Variants in RERE observed in about 807,000 individuals in gnomAD.
RERE encodes arginine-glutamic acid dipeptide repeats, also known as arginine-glutamic acid dipeptide repeats protein.
RERE carries 40 observed loss-of-function variants against 146.1 expected under a neutral mutation model. The observed-to-expected ratio is 0.27, with a 90% CI of 0.21 to 0.36. The LOEUF (loss-of-function observed/expected upper bound fraction) is 0.36, where lower values mean the gene tolerates loss of function less well. RERE is among the 10% of genes least tolerant of loss of function. The probability of loss-of-function intolerance (pLI) is 1.00; values close to 1 mark genes in which losing one functional copy is unlikely to be tolerated. For missense variants in RERE, 1,933 were observed against 2,138.7 expected, an observed-to-expected ratio of 0.90 and a Z score of 1.90; for synonymous variants, 1,003 against 866.0, an observed-to-expected ratio of 1.16 and a Z score of -2.78.
At chr1:8,475,486 T>C (rs1644744139) in intron 10 of RERE, among the ~76,000 whole-genome samples, 2 of 151,876 alleles carry the variant, frequency 1.3e-5, no homozygotes, top group African/African-American at 4.8e-5. Flanking sequence ...GAGACCAGCC[T>C]GGCCAACATG....
intron 11 of RERE, chr1:8,425,270 A>G (rs1173742862): frequency 1.3e-5 from 2 of 152,244 alleles, no homozygotes. Context: ...TAGGAAGATA[A>G]TAAAGGTTGC....
chr1:8,519,216 G>GCAAA (rs911510599), intron 7 of RERE, among the ~76,000 whole-genome samples: 9 of 151,954 alleles, frequency 5.9e-5, no homozygotes, highest in East Asian at 1.9e-4. Flanking sequence ...CCTAGTCTCT[G>GCAAA]CAAACAAACA....
intron 4 of RERE, among the ~76,000 whole-genome samples, chr1:8,584,894 T>A (rs1310846732): frequency 6.6e-6 from 1 of 152,116 alleles, no homozygotes; most frequent in Non-Finnish European, 1.5e-5. Context: ...ACCCTTGTAA[T>A]CCCAGCACTT....
intron 6 of RERE, among the ~76,000 whole-genome samples, chr1:8,552,470 T>C (rs1645947786): frequency 6.6e-6 from 1 of 152,222 alleles, no homozygotes; most frequent in Admixed American, 6.5e-5. Context: ...TGATCCCTTT[T>C]CATGTGCCCA....
At chr1:8,362,039 G>A (rs1423179405) in intron 16 of RERE, among the ~76,000 whole-genome samples, 163 bp from the exon 17 acceptor site, 1 of 152,194 alleles carries the variant, frequency 6.6e-6, no homozygotes, top group Non-Finnish European at 1.5e-5. Context: ...GAAGGAACAC[G>A]TATCTGGGGG....
In RERE at chr1:8,356,078, C is replaced by T. The variant is rs1641280287; in HGVS notation, c.4486+22G>A. The T allele has an allele frequency of 6.8e-6, 10 of 1,474,134 alleles. No homozygotes were observed. The highest frequency in any genetic ancestry group is 9.0e-6 in the Non-Finnish European group (10 of 1,115,886). The allele number at this position is 1,474,134 out of a possible 1,614,324, so 91.3% of individuals were successfully genotyped here. ...CCAACCCTCACACGGCCTCCCCGCCCCTCCTGGAGGGGAAGTCTTACCGAA... is the reference window on the plus strand; with the variant it reads ...CCAACCCTCACACGGCCTCCCCGCCTCTCCTGGAGGGGAAGTCTTACCGAA... On this transcript the variant is annotated intron_variant, in intron 21 of 22. Transcript: ENST00000400908. This position sits in a 1 kb window ranked among gnomAD's most constrained non-coding sequence, Gnocchi z 5.2.
intron 1 of RERE, among the ~76,000 whole-genome samples, chr1:8,680,925 G>A (rs1557477555): frequency 6.6e-6 from 1 of 152,100 alleles, no homozygotes; most frequent in Non-Finnish European, 1.5e-5. Context: ...GGTCAATCTC[G>A]CAGGAATACT....
Position 8,386,627 on chromosome 1 carries a change from A to C in RERE, c.1285-20653T>G, listed in dbSNP as rs189596974. 6.5e-3 allele frequency among the ~76,000 whole-genome samples: 966 copies of C among 148,818 alleles called. 8 individuals carry two copies. The highest frequency in any genetic ancestry group is 0.023 in the African/African-American group (919 of 40,718). ...ATTGAAAAATAAGCAAAAGACTTAC[A>C]CAGGCCCTTCATGAAAAAGAAACAC... On this transcript the variant is annotated intron_variant, in intron 12 of 22. Transcript: ENST00000400908.
chr1:8,465,781 C>T (rs1162286732), intron 11 of RERE, 144 bp downstream of exon 11: 1 of 712,136 alleles, frequency 1.4e-6, no homozygotes, highest in Non-Finnish European at 2.6e-6. Context: ...GCTGAAGGGC[C>T]CCATCCTCCT....
At position 8,358,772 on chromosome 1, in the gene RERE, T is replaced by C; in HGVS notation, c.3763A>G (p.Thr1255Ala). ...YIGPDTPALRTLSEYARPHVM... is the reference protein window; with the variant it reads ...YIGPDTPALRALSEYARPHVM... The stretch of plus-strand genomic sequence containing the variant: ...TGGGGCCGGGCGTACTCGCTCAGAG[T>C]CCGAAGGGCAGGTGTGTCGGGCCCG... Residue 1255 changes from threonine (T) to alanine (A), a missense_variant, in exon 20 of 23, where the codon ACT (threonine) becomes GCT (alanine). Thr to Ala is a moderately conservative substitution (Grantham distance 58). Transcript: ENST00000400908. 6.2e-7 allele frequency: 1 copy of C among 1,612,386 alleles called. No homozygotes were observed. Among genetic ancestry groups the C allele is most frequent in the Non-Finnish European group, 8.5e-7 (1 of 1,179,238 alleles).
At chr1:8,705,952 TAAA>T (rs1278165647) in intron 1 of RERE, among the ~76,000 whole-genome samples, 2 of 151,668 alleles carry the variant, frequency 1.3e-5, no homozygotes, top group Admixed American at 1.3e-4. Flanking sequence ...CTGTCTTTAC[TAAA>T]AATACAAAAA....
In RERE at chr1:8,721,183, G is replaced by C. The variant is rs185832958; in HGVS notation, c.-144-64742C>G. ...CACTGCATTCCTCAGACAACTGGGAGCACTGCAGAGGTCTGCTTCCCCAAG... is the reference window on the plus strand; with the variant it reads ...CACTGCATTCCTCAGACAACTGGGACCACTGCAGAGGTCTGCTTCCCCAAG... On this transcript the variant is annotated intron_variant, in intron 1 of 22. Coordinates refer to ENST00000400908, the MANE Select transcript of RERE (RefSeq NM_001042681.2). 4.9e-4 allele frequency among the ~76,000 whole-genome samples: 74 copies of C among 152,352 alleles called. No individual in the cohort carries two copies. The Middle Eastern group carries it at 0.027, about 56-fold the overall frequency.
intron 12 of RERE, among the ~76,000 whole-genome samples, chr1:8,392,346 C>T (rs1272187023): frequency 6.6e-6 from 1 of 152,158 alleles, no homozygotes; most frequent in African/African-American, 2.4e-5. Flanking sequence ...CTAACAAAAT[C>T]CTTTTTTAAA....
intron 1 of RERE, among the ~76,000 whole-genome samples, chr1:8,678,711 A>C (rs949043848): frequency 1.3e-5 from 2 of 152,178 alleles, no homozygotes; most frequent in Non-Finnish European, 2.9e-5. Flanking sequence ...AATAAAAATA[A>C]AAATACAAAA....
chr1:8,649,884 T>G (rs1290743469), intron 2 of RERE, among the ~76,000 whole-genome samples: 2 of 152,134 alleles, frequency 1.3e-5, no homozygotes, highest in African/African-American at 4.8e-5. Context: ...AAATTATTAC[T>G]GTTCTAAGTG....
At chr1:8,809,153 A>T (rs531772556) in intron 1 of RERE, among the ~76,000 whole-genome samples, 11 of 150,646 alleles carry the variant, frequency 7.3e-5, no homozygotes, top group African/African-American at 2.5e-4. Context: ...AAAAAAAAAA[A>T]AAAAAAAGTA....
chr1:8,708,355 GGCTGGAGT>G (rs1639597737), intron 1 of RERE, among the ~76,000 whole-genome samples: 1 of 152,074 alleles, frequency 6.6e-6, no homozygotes, highest in Admixed American at 6.6e-5. Context: ...CTGACCCCCA[GGCTGGAGT>G]GCAGTGGCAT....
At chr1:8,600,749 A>G (rs1646611663) in intron 4 of RERE, among the ~76,000 whole-genome samples, 1 of 109,610 alleles carries the variant, frequency 9.1e-6, no homozygotes. Flanking sequence ...ACAAGCCAAT[A>G]CTTTTTTTTT....
intron 1 of RERE, among the ~76,000 whole-genome samples, chr1:8,714,966 T>A (rs1277421238): frequency 6.6e-6 from 1 of 151,902 alleles, no homozygotes; most frequent in Non-Finnish European, 1.5e-5. Context: ...CTCCGCCTCC[T>A]GGGTTCAAGT....
Sources: allele counts gnomAD v4.1 joint callset (sites outside exome capture counted in the v4.1 genomes callset), GRCh38; gene constraint gnomAD v4.1.1; non-coding constraint Gnocchi (gnomAD v3.1); transcripts MANE v1.5; gene names NCBI Gene and HGNC (gene_info 2026-07-23, HGNC 2026-07-21).